The following DOCK10 variants were observed in gnomAD, a reference collection of about 807,000 sequenced individuals.
DOCK10 encodes dedicator of cytokinesis protein 10.
A neutral mutation model predicts 280.1 loss-of-function variants in DOCK10; 145 were observed. The ratio of observed to expected loss-of-function variants is 0.52; its 90% CI spans 0.45 to 0.59. The LOEUF (loss-of-function observed/expected upper bound fraction) is 0.59, where lower values mean the gene tolerates loss of function less well. Ranked by LOEUF, DOCK10 falls within the 20% of genes least tolerant of loss-of-function variation. The pLI is 0.00. For missense variants in DOCK10, 2,368 were observed against 2,651.7 expected (o/e 0.89, Z 2.35); for synonymous variants, 915 against 942.2 (o/e 0.97, Z 0.53).
chr2:224,886,308 C>A, intron 5 of DOCK10, 123 bp from the exon 6 acceptor site: 2 of 1,505,482 alleles, frequency 1.3e-6, no homozygotes, highest in Non-Finnish European at 9.0e-7. Flanking sequence ...TGTTCAATTT[C>A]AAAACAAACG....
intron 3 of DOCK10, among the ~76,000 whole-genome samples, chr2:224,906,975 A>AC (rs140433624): frequency 0.59 from 89,499 of 151,696 alleles, 26,862 homozygotes; most frequent in Admixed American, 0.65. Context: ...TTTATCACAT[A>AC]ATTTCAACAC....
chr2:224,768,963 A>G (rs1435287888), intron 55 of DOCK10: 2 of 455,222 alleles, frequency 4.4e-6, no homozygotes, highest in African/African-American at 4.0e-5. Flanking sequence ...AGGAAAAAAG[A>G]GAAAAGCATT....
At chr2:224,807,839 C>A in intron 32 of DOCK10, 55 bp from the exon 33 acceptor site, 1 of 1,575,534 alleles carries the variant, frequency 6.3e-7, no homozygotes, top group South Asian at 1.2e-5. Context: ...ATAGGCTTGT[C>A]GGTTTCATAT....
chr2:224,864,572 T>G lies in DOCK10; in HGVS notation c.1583A>C (p.Lys528Thr). ...NIASGAEPYI[K>T]NPDSNKYAQK... ...CATTACCTTGTTGGAGTCTGGGTTC[T>G]TAATATAAGGTTCGGCACCACTTGC... The change falls in exon 13 of 56, where the codon AAG (lysine) becomes ACG (threonine). Residue 528 changes from lysine (K) to threonine (T), a missense_variant. Transcript: ENST00000258390. 1 of 1,602,624 alleles carries G rather than the reference T, an allele frequency of 6.2e-7. No individual in the cohort carries two copies. Among genetic ancestry groups the G allele is most frequent in the Non-Finnish European group, 8.5e-7 (1 of 1,177,056 alleles).
chr2:224,907,423 C>T (rs1053086880), intron 3 of DOCK10, among the ~76,000 whole-genome samples: 4 of 152,158 alleles, frequency 2.6e-5, no homozygotes, highest in African/African-American at 9.7e-5. Flanking sequence ...CGCGGTGGCT[C>T]ACGCCTGTAA....
At chr2:224,863,708 C>T (rs1372716982) in intron 13 of DOCK10, among the ~76,000 whole-genome samples, 1 of 152,208 alleles carries the variant, frequency 6.6e-6, no homozygotes, top group Non-Finnish European at 1.5e-5. Flanking sequence ...GCCTCAACCT[C>T]CCAAAGTGCT....
At chr2:224,929,138 T>G (rs1030649586) in intron 2 of DOCK10, among the ~76,000 whole-genome samples, 6 of 152,232 alleles carry the variant, frequency 3.9e-5, no homozygotes, top group African/African-American at 1.4e-4. Flanking sequence ...GATTCTATCA[T>G]CAGATTCTGC....
intron 3 of DOCK10, among the ~76,000 whole-genome samples, chr2:224,915,532 T>C (rs1272157004): frequency 6.6e-6 from 1 of 152,208 alleles, no homozygotes; most frequent in Non-Finnish European, 1.5e-5. Flanking sequence ...ACAGAAAATA[T>C]GTACAGTCAT....
Position 224,970,629 on chromosome 2 carries a change from G to A in DOCK10, c.124-38961C>T, listed in dbSNP as rs1025828312. Among the ~76,000 whole-genome samples, 1 of 152,072 alleles carries A rather than the reference G, an allele frequency of 6.6e-6. No homozygotes were observed. The highest frequency in any genetic ancestry group is 6.6e-5 in the Admixed American group (1 of 15,266). On this transcript the variant is annotated intron_variant, in intron 1 of 55. Coordinates refer to ENST00000258390, the MANE Select transcript of DOCK10 (RefSeq NM_014689.3). The surrounding 1 kb of genome is among the most constrained non-coding windows in gnomAD (Gnocchi z 4.6). ...TTTTTTTCTCTTTGTTGTCTCTGCC[G>A]TGGGACCCATGAGCCCCCACAGTTG... is the stretch of plus-strand genomic sequence containing the variant.
At chr2:224,918,613 G>A (rs1010124336) in intron 2 of DOCK10, among the ~76,000 whole-genome samples, 2 of 149,690 alleles carry the variant, frequency 1.3e-5, no homozygotes, top group Non-Finnish European at 3.0e-5. Context: ...GTGTGTATGT[G>A]GGGTGTGTGT....
intron 14 of DOCK10, 170 bp downstream of exon 14, chr2:224,862,494 G>A (rs984652324): frequency 3.4e-5 from 20 of 594,422 alleles, no homozygotes; most frequent in Non-Finnish European, 5.4e-5. Flanking sequence ...ACTGTCTTGT[G>A]AAATGTATGT....
rs138246867 is a variant in DOCK10, at chr2:224,925,922, C to T, written c.243+5627G>A. ...GTCCTTGAAACCATTTTTCTTAGCC[C>T]TTGCTTTCTTTTCTTACTTTCTTTG... On this transcript the variant is annotated intron_variant, in intron 2 of 55. Coordinates refer to ENST00000258390, the MANE Select transcript of DOCK10 (RefSeq NM_014689.3). Among the ~76,000 whole-genome samples, 675 of 152,246 alleles carry T rather than the reference C, an allele frequency of 4.4e-3. 3 individuals are homozygous for T. Among genetic ancestry groups the T allele is most frequent in the African/African-American group, 0.015 (625 of 41,538 alleles).
intron 1 of DOCK10, among the ~76,000 whole-genome samples, chr2:224,999,143 C>A (rs1265998519): frequency 6.6e-6 from 1 of 152,272 alleles, no homozygotes; most frequent in African/African-American, 2.4e-5. Flanking sequence ...GCTGAGATGG[C>A]ACCACTGCAC....
At chr2:224,961,797 G>A (rs918912535) in intron 1 of DOCK10, among the ~76,000 whole-genome samples, 2 of 151,988 alleles carry the variant, frequency 1.3e-5, no homozygotes, top group East Asian at 3.9e-4. Context: ...GAGCCACCAC[G>A]CCTGGCCACA....
In DOCK10 at chr2:224,770,195, A is replaced by C; in HGVS notation, c.6444+16T>G. The C allele has an allele frequency of 6.5e-7, 1 of 1,536,232 alleles. No individual in the cohort carries two copies. The highest frequency in any genetic ancestry group is 8.8e-7 in the Non-Finnish European group (1 of 1,141,356). On this transcript the variant is annotated intron_variant, in intron 55 of 55. Coordinates refer to ENST00000258390, the MANE Select transcript of DOCK10 (RefSeq NM_014689.3). This position sits in a 1 kb window ranked among gnomAD's most constrained non-coding sequence, Gnocchi z 4.5. Reference sequence around the variant, plus strand: ...TTCTGTCCACTGATAGCGCGTGTGCACCAAGGAGCGCTCACCTGCTCATTC... The same window carrying C: ...TTCTGTCCACTGATAGCGCGTGTGCCCCAAGGAGCGCTCACCTGCTCATTC...
chr2:224,856,852 A>C lies in DOCK10; in HGVS notation c.1808+8T>G. On this transcript the variant is annotated splice_region_variant and intron_variant, in intron 15 of 55. Coordinates refer to ENST00000258390, the MANE Select transcript of DOCK10 (RefSeq NM_014689.3). ...TATGTTAATTTCGAGAGTATAAAAA[A>C]AACATACCTTCTATAATCTGATACT... 6.3e-7 allele frequency: 1 copy of C among 1,598,082 alleles called. No individual in the cohort carries two copies. Among genetic ancestry groups the C allele is most frequent in the Non-Finnish European group, 8.5e-7 (1 of 1,172,232 alleles).
chr2:224,770,912 C>T lies in DOCK10; in HGVS notation c.6205-267G>A, dbSNP rs548267121. 1.3e-5 allele frequency among the ~76,000 whole-genome samples: 2 copies of T among 151,772 alleles called. No individual in the cohort carries two copies. Among genetic ancestry groups the T allele is most frequent in the South Asian group, 4.2e-4 (2 of 4,796 alleles). On this transcript the variant is annotated intron_variant, in intron 53 of 55. Coordinates refer to ENST00000258390, the MANE Select transcript of DOCK10 (RefSeq NM_014689.3). The surrounding 1 kb of genome is among the most constrained non-coding windows in gnomAD (Gnocchi z 4.5). ...ATTTTTTTTTTTTGTCATATCTGTA[C>T]GTTGCTTGAACTACTATTTTTTTCT...
chr2:224,780,002 A>G (rs1020711805), intron 50 of DOCK10, among the ~76,000 whole-genome samples: 2 of 152,212 alleles, frequency 1.3e-5, no homozygotes, highest in Admixed American at 6.5e-5. Context: ...TTGTTGAACA[A>G]GCAGATGAAT....
At chr2:224,809,737 C>T (rs574844685) in intron 31 of DOCK10, among the ~76,000 whole-genome samples, 1 of 151,984 alleles carries the variant, frequency 6.6e-6, no homozygotes, top group East Asian at 1.9e-4. Flanking sequence ...AAAGGGAATC[C>T]TTGTACACTG....
Sources: allele counts gnomAD v4.1 joint callset (sites outside exome capture counted in the v4.1 genomes callset), GRCh38; gene constraint gnomAD v4.1.1; non-coding constraint Gnocchi (gnomAD v3.1); transcripts MANE v1.5; gene names NCBI Gene and HGNC (gene_info 2026-07-23, HGNC 2026-07-21).